FER1L5: variants seen among roughly 807,000 people sequenced by gnomAD.
FER1L5 encodes the protein fer-1-like protein 5.
Under a neutral mutation model 279.9 loss-of-function variants are expected in FER1L5, and 187 were observed. The observed-to-expected ratio is 0.67, with a 90% CI of 0.59 to 0.75. FER1L5 has a LOEUF of 0.75. FER1L5 is among the 30% of genes least tolerant of loss of function. The probability of loss-of-function intolerance (pLI) is 0.00; values close to 1 mark genes in which losing one functional copy is unlikely to be tolerated. For synonymous variants in FER1L5, 921 were observed against 989.7 expected, an observed-to-expected ratio of 0.93 and a Z score of 1.30; for missense variants, 2,091 against 2,594.4, an observed-to-expected ratio of 0.81 and a Z score of 4.21.
In FER1L5 at chr2:96,703,249, A is replaced by G. The variant is rs1045044166; in HGVS notation, c.5594A>G (p.Tyr1865Cys). Residue 1865 changes from tyrosine to cysteine, a missense_variant, in exon 50 of 53, where the codon TAT becomes TGT. Coordinates refer to ENST00000624922, the MANE Select transcript of FER1L5 (RefSeq NM_001293083.2). The part of the protein sequence containing the change: ...RMMDADPKWP[Y>C]FIQYKHFSLF... ...ATGGACGCCGACCCCAAGTGGCCCTATTTCATCCAATACAAGCACTTCTCC... is the reference window on the plus strand; with the variant it reads ...ATGGACGCCGACCCCAAGTGGCCCTGTTTCATCCAATACAAGCACTTCTCC... 1.2e-6 allele frequency: 2 copies of G among 1,613,722 alleles called. No individual in the cohort carries two copies. The highest frequency in any genetic ancestry group is 2.7e-5 in the African/African-American group (2 of 74,886).
At chr2:96,661,631 C>G in intron 11 of FER1L5, 37 bp from the exon 12 acceptor site, 1 of 1,551,128 alleles carries the variant, frequency 6.4e-7, no homozygotes, top group Non-Finnish European at 8.7e-7. Context: ...GTGACCTCCC[C>G]ATTACCTTGA....
chr2:96,696,593 C>T (rs2077389762), intron 37 of FER1L5, among the ~76,000 whole-genome samples: 1 of 151,816 alleles, frequency 6.6e-6, no homozygotes. Context: ...CATGCCCGGC[C>T]TTAAATCTTA....
intron 9 of FER1L5, among the ~76,000 whole-genome samples, chr2:96,659,291 T>TGCC (rs1558852459): frequency 3.6e-5 from 1 of 27,612 alleles, no homozygotes; most frequent in African/African-American, 8.0e-5. Flanking sequence ...TTATCAAGCT[T>TGCC]TCCTTCCTTC....
intron 19 of FER1L5, among the ~76,000 whole-genome samples, chr2:96,682,992 G>A (rs891367869): frequency 2.0e-5 from 3 of 152,158 alleles, no homozygotes; most frequent in African/African-American, 4.8e-5. Context: ...GCCAACATCC[G>A]TGAGGCCCCA....
At chr2:96,695,991 G>A (rs2077362546) in intron 36 of FER1L5, 61 bp from the exon 37 acceptor site, 2 of 1,605,718 alleles carry the variant, frequency 1.2e-6, no homozygotes, top group Non-Finnish European at 1.7e-6. Flanking sequence ...CCGTGGGGTT[G>A]GTGCTTCCTC....
At chr2:96,644,322 C>CA (rs34746480) in intron 1 of FER1L5, among the ~76,000 whole-genome samples, 3,169 of 136,342 alleles carry the variant, frequency 0.023, 111 homozygotes, top group African/African-American at 0.076. Context: ...ACTAAAAATA[C>CA]AAAAAAAAAA....
In FER1L5 at chr2:96,691,229, C is replaced by A; in HGVS notation, c.2783C>A (p.Pro928His). Residue 928 changes from proline (P) to histidine (H), a missense_variant, in exon 28 of 53, where the codon CCC becomes CAC. Pro to His is a moderately conservative substitution (Grantham distance 77). Transcript: ENST00000624922. This position sits in a 1 kb window ranked among gnomAD's most constrained non-coding sequence, Gnocchi z 6.0. ...YGVGIPPSGLPQVWSPVEKTY... is the reference protein window; with the variant it reads ...YGVGIPPSGLHQVWSPVEKTY... ...GTGGGGATCCCACCGTCGGGCCTGC[C>A]CCAGGTCTGGAGCCCGGTGGAGAAG... The A allele has an allele frequency of 6.5e-7, 1 of 1,550,318 alleles. No individual in the cohort carries two copies. The highest frequency in any genetic ancestry group is 1.4e-5 in the African/African-American group (1 of 73,182).
intron 45 of FER1L5, among the ~76,000 whole-genome samples, chr2:96,701,209 C>T (rs1404678355): frequency 6.6e-6 from 1 of 152,174 alleles, no homozygotes; most frequent in South Asian, 2.1e-4. Flanking sequence ...ACTCAGGAGG[C>T]TTAGGCACGA....
chr2:96,657,861 G>A (rs1402171155), intron 9 of FER1L5, among the ~76,000 whole-genome samples: 1 of 152,120 alleles, frequency 6.6e-6, no homozygotes, highest in Non-Finnish European at 1.5e-5. Context: ...CCTTGTTAAT[G>A]GACATTTAGA....
chr2:96,667,378 G>A (rs551282552), intron 14 of FER1L5, among the ~76,000 whole-genome samples: 275 of 144,468 alleles, frequency 1.9e-3, no homozygotes, highest in African/African-American at 6.8e-3. Flanking sequence ...ACGGAGTTTC[G>A]CTCTTGTTGC....
rs1011473824 is a variant in FER1L5 at position 96,692,058 on chromosome 2, G to A, written c.3215-46G>A. The A allele has an allele frequency of 1.2e-5, 18 of 1,549,160 alleles. No individual in the cohort carries two copies. In the Admixed American group the frequency reaches 1.4e-4, roughly 12 times the overall value. On this transcript the variant is annotated intron_variant, in intron 30 of 52. Transcript: ENST00000624922. ...AGGGTGGGGGCAGTCAGAGGGAGCC[G>A]CTGGGGTCCTGGGGCAGGTGACAGG...
At chr2:96,668,845 C>T in intron 15 of FER1L5, 41 bp from the exon 16 acceptor site, 3 of 1,551,640 alleles carry the variant, frequency 1.9e-6, no homozygotes, top group Non-Finnish European at 2.6e-6. Flanking sequence ...GAAATGAGAG[C>T]TGGGCCGGGG....
chr2:96,692,111 C>T lies in FER1L5; in HGVS notation c.3222C>T (p.His1074=). The change falls in exon 31 of 53, where the codon CAC becomes CAT. Residue 1074 remains histidine, a synonymous_variant. Transcript: ENST00000624922. ...PFIYCTFNKP[H]YYQLFCYIYQ... The stretch of plus-strand genomic sequence containing the variant: ...TGGCTTCTCTTTCCCCAGAGCCCCA[C>T]TACTACCAGCTCTTCTGCTACATCT... 1.9e-6 allele frequency: 3 copies of T among 1,551,588 alleles called. No individual in the cohort carries two copies. The highest frequency in any genetic ancestry group is 2.6e-6 in the Non-Finnish European group (3 of 1,146,934).
Position 96,694,596 on chromosome 2 carries a change from T to A in FER1L5, c.3741+132T>A, listed in dbSNP as rs182889859. The A allele has an allele frequency of 1.0e-3, 667 of 652,958 alleles. 1 individual carries two copies. Among genetic ancestry groups the A allele is most frequent in the Non-Finnish European group, 1.4e-3 (562 of 415,490 alleles). The allele number at this position is 652,958 out of a possible 1,614,324, so 40.4% of individuals were successfully genotyped here. ...ACCCCGAAAAAGACTACCTGGGAGG[T>A]GGAGGGAGACAGGAGAGAAACGAAG... On this transcript the variant is annotated intron_variant, in intron 34 of 52. Transcript: ENST00000624922. The surrounding 1 kb of genome is among the most constrained non-coding windows in gnomAD (Gnocchi z 4.6).
chr2:96,702,574 C>T lies in FER1L5; in HGVS notation c.5256-26C>T, dbSNP rs750274800. ...GGGGATGGGGCCAATGCACATGAGCCACAGGTGATAGGACTCTGGCCCCAG... is the reference window on the plus strand; with the variant it reads ...GGGGATGGGGCCAATGCACATGAGCTACAGGTGATAGGACTCTGGCCCCAG... On this transcript the variant is annotated intron_variant, in intron 47 of 52. Transcript: ENST00000624922. The surrounding 1 kb of genome is among the most constrained non-coding windows in gnomAD (Gnocchi z 4.0). 13 of 1,557,086 alleles carry T rather than the reference C, an allele frequency of 8.3e-6. No homozygotes were observed. The African/African-American group carries it at 1.8e-4, about 21-fold the overall frequency.
intron 19 of FER1L5, among the ~76,000 whole-genome samples, chr2:96,679,941 G>A (rs1469724681): frequency 1.3e-5 from 2 of 151,672 alleles, no homozygotes; most frequent in Non-Finnish European, 2.9e-5. Flanking sequence ...TGAAGTTTAC[G>A]GGCTCACATT....
Position 96,691,383 on chromosome 2 carries a change from A to C in FER1L5, c.2907+30A>C. ...GGGGTCGACGGGCGCCCTGGCTGGG[A>C]CTGCGGGCAGGGCCGCCTTGGCTGC... On this transcript the variant is annotated intron_variant, in intron 28 of 52. Coordinates refer to ENST00000624922, the MANE Select transcript of FER1L5 (RefSeq NM_001293083.2). This position sits in a 1 kb window ranked among gnomAD's most constrained non-coding sequence, Gnocchi z 6.0. 6.5e-7 allele frequency: 1 copy of C among 1,542,162 alleles called. No individual in the cohort carries two copies. Among genetic ancestry groups the C allele is most frequent in the Non-Finnish European group, 8.8e-7 (1 of 1,140,922 alleles).
chr2:96,647,720 A>G lies in FER1L5; in HGVS notation c.231-58A>G, dbSNP rs979203750. On this transcript the variant is annotated intron_variant, in intron 3 of 52. Transcript: ENST00000624922. ...CTCTAGCTAAAGCCCTGCCCGGGAGAGAAGAGGACACTCTTTCCCCTGGCT... is the reference window on the plus strand; with the variant it reads ...CTCTAGCTAAAGCCCTGCCCGGGAGGGAAGAGGACACTCTTTCCCCTGGCT... 4 of 1,271,040 alleles carry G rather than the reference A, an allele frequency of 3.1e-6. No homozygotes were observed. The African/African-American group carries it at 5.9e-5, about 19-fold the overall frequency. 78.7% of individuals were successfully genotyped at this position (1,271,040 alleles called of 1,614,324 possible). A position where few individuals can be genotyped will look rare whatever the true frequency, so the allele number is the denominator to read the frequency against.
At position 96,702,551 on chromosome 2, in the gene FER1L5, G is replaced by A. The variant is rs2077624784; in HGVS notation, c.5256-49G>A. The A allele has an allele frequency of 6.4e-7, 1 of 1,552,476 alleles. No individual in the cohort carries two copies. Among genetic ancestry groups the A allele is most frequent in the African/African-American group, 1.4e-5 (1 of 73,112 alleles). ...CCCTTCCCATGGGGCTCCAGCTGGG[G>A]GATGGGGCCAATGCACATGAGCCAC... On this transcript the variant is annotated intron_variant, in intron 47 of 52. Transcript: ENST00000624922. This position sits in a 1 kb window ranked among gnomAD's most constrained non-coding sequence, Gnocchi z 4.0.
Sources: allele counts gnomAD v4.1 joint callset (sites outside exome capture counted in the v4.1 genomes callset), GRCh38; gene constraint gnomAD v4.1.1; non-coding constraint Gnocchi (gnomAD v3.1); transcripts MANE v1.5; gene names NCBI Gene and HGNC (gene_info 2026-07-23, HGNC 2026-07-21).